Variants in CACNA1C observed in about 807,000 individuals in gnomAD.
The protein encoded by CACNA1C is voltage-dependent L-type calcium channel subunit alpha-1C.
In CACNA1C, 30 loss-of-function variants were observed where a neutral mutation model predicts 229.0. The observed-to-expected ratio is 0.13, with a 90% CI of 0.10 to 0.18. The LOEUF is 0.18. Among genes scored for constraint, CACNA1C ranks in the 10% least tolerant of loss-of-function variants. The probability of loss-of-function intolerance (pLI) is 1.00; values close to 1 mark genes in which losing one functional copy is unlikely to be tolerated. For missense variants in CACNA1C, 1,658 were observed against 2,845.0 expected (o/e 0.58, Z 9.49); for synonymous variants, 1,114 against 1,132.5 (o/e 0.98, Z 0.33).
chr12:2,631,940 C>G (rs1602864716), intron 29 of CACNA1C, among the ~76,000 whole-genome samples: 1 of 152,074 alleles, frequency 6.6e-6, no homozygotes, highest in East Asian at 1.9e-4. Context: ...GTTAAGGGAG[C>G]TGGATAGAGC....
At chr12:2,495,592 G>A (rs1212736303) in intron 7 of CACNA1C, among the ~76,000 whole-genome samples, 1 of 152,244 alleles carries the variant, frequency 6.6e-6, no homozygotes. Flanking sequence ...GACAGCCGGG[G>A]CGGGGAGCAG....
At position 2,630,615 on chromosome 12, in the gene CACNA1C, G is replaced by A. The variant is rs1368526445; in HGVS notation, c.3829-3682G>A. 6.6e-6 allele frequency among the ~76,000 whole-genome samples: 1 copy of A among 152,174 alleles called. No individual in the cohort carries two copies. The highest frequency in any genetic ancestry group is 1.5e-5 in the Non-Finnish European group (1 of 68,026). On this transcript the variant is annotated intron_variant, in intron 29 of 46. Coordinates refer to ENST00000399655, the MANE Select transcript of CACNA1C (RefSeq NM_000719.7). This position sits in a 1 kb window ranked among gnomAD's most constrained non-coding sequence, Gnocchi z 5.4. The stretch of plus-strand genomic sequence containing the variant: ...GGACTGAGGGGCTCTGGGCACCAAA[G>A]GCAGGACGGTGGGAGGATGGGTCAG...
chr12:2,007,558 T>G (rs1469480057), intron 1 of CACNA1C, among the ~76,000 whole-genome samples: 3 of 152,260 alleles, frequency 2.0e-5, no homozygotes, highest in African/African-American at 7.2e-5. Flanking sequence ...CTCCAGTCTT[T>G]GATCTCACTG....
At chr12:2,583,271 G>A (rs2061253763) in intron 15 of CACNA1C, among the ~76,000 whole-genome samples, 1 of 152,244 alleles carries the variant, frequency 6.6e-6, no homozygotes, top group African/African-American at 2.4e-5. Flanking sequence ...CGGGCCGGCT[G>A]CCCTGGGGCC....
At chr12:2,304,721 C>T (rs1159399195) in intron 3 of CACNA1C, among the ~76,000 whole-genome samples, 1 of 152,174 alleles carries the variant, frequency 6.6e-6, no homozygotes, top group African/African-American at 2.4e-5. Flanking sequence ...CTCTGCACCA[C>T]ACAGGTAGAT....
At chr12:2,338,403 G>T (rs2096764486) in intron 3 of CACNA1C, among the ~76,000 whole-genome samples, 1 of 152,252 alleles carries the variant, frequency 6.6e-6, no homozygotes, top group South Asian at 2.1e-4. Flanking sequence ...AAGGCCAATG[G>T]ACACATGCCG....
intron 3 of CACNA1C, among the ~76,000 whole-genome samples, chr12:2,260,708 G>A (rs2079806419): frequency 6.6e-6 from 1 of 152,054 alleles, no homozygotes; most frequent in Non-Finnish European, 1.5e-5. Context: ...TCTTAGATTA[G>A]GCACTGTTTC....
intron 3 of CACNA1C, among the ~76,000 whole-genome samples, chr12:2,358,299 GTGTGTGTGTC>G (rs1402802958): frequency 5.5e-4 from 62 of 112,216 alleles, no homozygotes; most frequent in East Asian, 3.8e-3. Context: ...GTGTGTGTGT[GTGTGTGTGTC>G]TCTTTGTCAT....
At position 2,394,932 on chromosome 12, in the gene CACNA1C, C is replaced by T. The variant is rs988531981; in HGVS notation, c.478-54044C>T. Among the ~76,000 whole-genome samples the T allele has an allele frequency of 2.0e-5, 3 of 152,218 alleles. No homozygotes were observed. In the East Asian group the frequency reaches 5.8e-4, roughly 29 times the overall value. On this transcript the variant is annotated intron_variant, in intron 3 of 46. Coordinates refer to ENST00000399655, the MANE Select transcript of CACNA1C (RefSeq NM_000719.7). ...AAGTTCAATTAGGATCCAAATTCTT[C>T]ACTGTCAACTTGTCTAAGTTTTTGT... is the stretch of plus-strand genomic sequence containing the variant.
At chr12:2,424,818 T>G (rs1194850930) in intron 3 of CACNA1C, among the ~76,000 whole-genome samples, 1 of 152,164 alleles carries the variant, frequency 6.6e-6, no homozygotes, top group Non-Finnish European at 1.5e-5. Flanking sequence ...GCAGAGGCCA[T>G]GGGCATGGGC....
chr12:2,013,046 A>G (rs1048756281), intron 1 of CACNA1C, among the ~76,000 whole-genome samples: 1 of 152,224 alleles, frequency 6.6e-6, no homozygotes, highest in Non-Finnish European at 1.5e-5. Flanking sequence ...ACCTAGCCAT[A>G]GTGGCATAAT....
At position 2,115,750 on chromosome 12, in the gene CACNA1C, C is replaced by T. The variant is rs376743475; in HGVS notation, c.371+205C>T. Among the ~76,000 whole-genome samples the T allele has an allele frequency of 7.9e-5, 12 of 152,356 alleles. No individual in the cohort carries two copies. In the East Asian group the frequency reaches 1.3e-3, roughly 17 times the overall value. On this transcript the variant is annotated intron_variant, in intron 2 of 46. Transcript: ENST00000399655. ...CTGGATGAATCAGAATATCTGGGGA[C>T]GGGGCCCAGCAATCTGCTTGTATAA...
chr12:2,439,031 C>A (rs2099187991), intron 3 of CACNA1C, among the ~76,000 whole-genome samples: 2 of 152,188 alleles, frequency 1.3e-5, no homozygotes, highest in Non-Finnish European at 2.9e-5. Flanking sequence ...GTCACCCTCT[C>A]CACTCCATTG....
At chr12:2,365,565 A>AT (rs1288741596) in intron 3 of CACNA1C, among the ~76,000 whole-genome samples, 1 of 152,236 alleles carries the variant, frequency 6.6e-6, no homozygotes, top group African/African-American at 2.4e-5. Context: ...CAGCATGTCT[A>AT]CCACTGGCCT....
intron 9 of CACNA1C, chr12:2,547,425 A>G (rs1301845769): frequency 7.7e-6 from 6 of 779,140 alleles, no homozygotes; most frequent in Admixed American, 6.8e-5. Flanking sequence ...CTGGTTCTTG[A>G]CACTGACCAT....
intron 9 of CACNA1C, among the ~76,000 whole-genome samples, chr12:2,531,582 T>C (rs1168407451): frequency 1.3e-5 from 2 of 152,196 alleles, no homozygotes; most frequent in Non-Finnish European, 2.9e-5. Flanking sequence ...GAGGAGAGGA[T>C]GCCCTCATTT....
chr12:2,585,931 A>G lies in CACNA1C; in HGVS notation c.2530+27A>G, dbSNP rs2062250910. 7.1e-7 allele frequency: 1 copy of G among 1,408,618 alleles called. No homozygotes were observed. The highest frequency in any genetic ancestry group is 2.1e-5 in the Admixed American group (1 of 48,530). 87.3% of individuals were successfully genotyped at this position (1,408,618 alleles called of 1,614,324 possible). On this transcript the variant is annotated intron_variant, in intron 18 of 46. Transcript: ENST00000399655. This position sits in a 1 kb window ranked among gnomAD's most constrained non-coding sequence, Gnocchi z 4.1. ...TACCAGTCCCACTGCCTAACCTGGG[A>G]TTGGGAGATTGGGGGCAGAGATCTA...
intron 1 of CACNA1C, among the ~76,000 whole-genome samples, chr12:2,114,862 A>G (rs2083214277): frequency 6.6e-6 from 1 of 152,076 alleles, no homozygotes; most frequent in Non-Finnish European, 1.5e-5. Context: ...ATATCCTTTC[A>G]TTTGCATGGG....
upstream of CACNA1C, among the ~76,000 whole-genome samples, chr12:2,049,912 G>A (rs1017977138): frequency 1.3e-5 from 2 of 152,126 alleles, no homozygotes; most frequent in Admixed American, 1.3e-4. Context: ...TATACTGCAA[G>A]ACCAAATATT....
Sources: gnomAD v4.1 joint callset for allele counts (sites outside exome capture counted in the v4.1 genomes callset) on GRCh38, gnomAD v4.1.1 for gene constraint, Gnocchi (gnomAD v3.1) non-coding constraint, MANE v1.5 for transcripts, NCBI Gene and HGNC (gene_info 2026-07-23, HGNC 2026-07-21) for gene names.